Variants in LRRTM4 observed in about 807,000 individuals in gnomAD.
LRRTM4 encodes the protein leucine rich repeat transmembrane neuronal 4.
A neutral mutation model predicts 47.6 loss-of-function variants in LRRTM4; 25 were observed. That is an observed-to-expected ratio of 0.53 (90% CI 0.38 to 0.73). The LOEUF (loss-of-function observed/expected upper bound fraction) is 0.73. Among genes scored for constraint, LRRTM4 ranks in the 30% least tolerant of loss-of-function variants. LRRTM4 has a pLI of 0.00. For missense variants in LRRTM4, 638 were observed against 713.4 expected, an observed-to-expected ratio of 0.89 and a Z score of 1.20; for synonymous variants, 311 against 269.5, an observed-to-expected ratio of 1.15 and a Z score of -1.51.
chr2:77,395,797 A>G (rs1034798740), intron 3 of LRRTM4, among the ~76,000 whole-genome samples: 1 of 151,978 alleles, frequency 6.6e-6, no homozygotes. Context: ...CTTGTTTCAA[A>G]TTATTTAAAA....
intron 3 of LRRTM4, among the ~76,000 whole-genome samples, chr2:77,383,825 T>C (rs1011882413): frequency 6.6e-6 from 1 of 152,046 alleles, no homozygotes; most frequent in African/African-American, 2.4e-5. Flanking sequence ...ACCTCAAATC[T>C]ACTGAATAAG....
chr2:77,087,046 G>C (rs1680740897), intron 3 of LRRTM4, among the ~76,000 whole-genome samples: 1 of 152,136 alleles, frequency 6.6e-6, no homozygotes, highest in Non-Finnish European at 1.5e-5. Flanking sequence ...AAAGAAGATA[G>C]AATTGAAAAT....
intron 3 of LRRTM4, among the ~76,000 whole-genome samples, chr2:77,081,556 A>G (rs1181102254): frequency 1.3e-5 from 2 of 152,152 alleles, no homozygotes; most frequent in African/African-American, 4.8e-5. Flanking sequence ...CACTCACTCC[A>G]GAAGAAGTCA....
chr2:76,875,278 T>C (rs1311353711), intron 3 of LRRTM4, among the ~76,000 whole-genome samples: 2 of 152,134 alleles, frequency 1.3e-5, no homozygotes, highest in Non-Finnish European at 2.9e-5. Context: ...GTTGTACTTA[T>C]CAGCTAATTT....
intron 3 of LRRTM4, among the ~76,000 whole-genome samples, chr2:77,028,972 T>C (rs2104129709): frequency 6.7e-6 from 1 of 149,752 alleles, no homozygotes; most frequent in East Asian, 2.0e-4. Context: ...GAGGCGGAGC[T>C]TGCAGTGAGC....
intron 3 of LRRTM4, among the ~76,000 whole-genome samples, chr2:76,901,725 C>G (rs1165882822): frequency 6.6e-6 from 1 of 152,012 alleles, no homozygotes; most frequent in Non-Finnish European, 1.5e-5. Flanking sequence ...GTTTGAGTAC[C>G]CTTTTACTAT....
chr2:77,414,487 C>T (rs1674564253), intron 3 of LRRTM4, among the ~76,000 whole-genome samples: 3 of 152,136 alleles, frequency 2.0e-5, no homozygotes, highest in African/African-American at 4.8e-5. Flanking sequence ...TCCCAATGAG[C>T]CCTGTTCATA....
intron 3 of LRRTM4, among the ~76,000 whole-genome samples, chr2:77,295,671 G>C (rs568666199): frequency 6.6e-6 from 1 of 152,212 alleles, no homozygotes; most frequent in African/African-American, 2.4e-5. Context: ...ACTGAGAAAA[G>C]GACCTAGCCC....
intron 3 of LRRTM4, among the ~76,000 whole-genome samples, chr2:77,353,640 T>A (rs569414290): frequency 9.2e-4 from 140 of 152,242 alleles, no homozygotes; most frequent in Middle Eastern, 3.4e-3. Flanking sequence ...TTTATAATCC[T>A]TTTTTACCTT....
At chr2:76,851,755 GTTT>G (rs34184474) in intron 3 of LRRTM4, among the ~76,000 whole-genome samples, 22,676 of 117,730 alleles carry the variant, frequency 0.19, 1,622 homozygotes, top group Admixed American at 0.23. Flanking sequence ...ACTTTTATTC[GTTT>G]TTTTTTTTTT....
At chr2:76,858,096 A>C (rs1672207079) in intron 3 of LRRTM4, among the ~76,000 whole-genome samples, 1 of 152,154 alleles carries the variant, frequency 6.6e-6, no homozygotes, top group Non-Finnish European at 1.5e-5. Flanking sequence ...TATAATGGTT[A>C]GTTTTATGTG....
At chr2:77,394,678 A>T (rs533689878) in intron 3 of LRRTM4, among the ~76,000 whole-genome samples, 2 of 152,104 alleles carry the variant, frequency 1.3e-5, no homozygotes, top group African/African-American at 4.8e-5. Context: ...TAACACATGC[A>T]TACTGAATGA....
At chr2:77,512,368 G>A (rs979465163) in intron 3 of LRRTM4, among the ~76,000 whole-genome samples, 1 of 152,006 alleles carries the variant, frequency 6.6e-6, no homozygotes, top group African/African-American at 2.4e-5. Flanking sequence ...GAGTGCATGA[G>A]AAAAATAGCC....
intron 3 of LRRTM4, among the ~76,000 whole-genome samples, chr2:76,887,796 C>T (rs897506583): frequency 1.7e-4 from 25 of 150,730 alleles, no homozygotes; most frequent in African/African-American, 5.8e-4. Context: ...CTTTAATTTT[C>T]TACTAGCCAA....
intron 3 of LRRTM4, among the ~76,000 whole-genome samples, chr2:77,043,628 G>A (rs531808189): frequency 6.6e-6 from 1 of 151,868 alleles, no homozygotes; most frequent in East Asian, 1.9e-4. Context: ...TATTCAAAAG[G>A]TATAATATGG....
chr2:77,321,041 A>G (rs1677772932), intron 3 of LRRTM4, among the ~76,000 whole-genome samples: 1 of 152,106 alleles, frequency 6.6e-6, no homozygotes, highest in African/African-American at 2.4e-5. Context: ...ATGGCAAAAT[A>G]TTATCCTTAT....
chr2:77,434,099 A>G (rs1030867066), intron 3 of LRRTM4, among the ~76,000 whole-genome samples: 6 of 152,162 alleles, frequency 3.9e-5, no homozygotes, highest in Admixed American at 1.3e-4. Context: ...AGATTGCCCT[A>G]CTAAGTTTCC....
chr2:77,177,246 G>T (rs1673224347), intron 3 of LRRTM4, among the ~76,000 whole-genome samples: 1 of 152,074 alleles, frequency 6.6e-6, no homozygotes, highest in African/African-American at 2.4e-5. Context: ...GAACCCACAT[G>T]GTCTCCTGGG....
intron 3 of LRRTM4, among the ~76,000 whole-genome samples, chr2:76,806,409 C>G (rs1331815553): frequency 6.6e-6 from 1 of 152,016 alleles, no homozygotes; most frequent in East Asian, 1.9e-4. Flanking sequence ...TGGTGAAACC[C>G]CGTCTCTACT....
Sources: gnomAD v4.1 joint callset for allele counts (sites outside exome capture counted in the v4.1 genomes callset) on GRCh38, gnomAD v4.1.1 for gene constraint, MANE v1.5 for transcripts, NCBI Gene and HGNC (gene_info 2026-07-23, HGNC 2026-07-21) for gene names.